SAMD12: variants seen among roughly 807,000 people sequenced by gnomAD.
The protein encoded by SAMD12 is sterile alpha motif domain containing 12, also known as sterile alpha motif domain-containing protein 12.
In SAMD12, 9 loss-of-function variants were observed where a neutral mutation model predicts 15.0. That is an observed-to-expected ratio of 0.60 (90% CI 0.36 to 1.05). SAMD12 has a LOEUF of 1.05. SAMD12 is among the 50% of genes least tolerant of loss of function. The pLI is 0.01. For missense variants in SAMD12, 230 were observed against 234.2 expected, an observed-to-expected ratio of 0.98 and a Z score of 0.12; for synonymous variants, 86 against 90.1, an observed-to-expected ratio of 0.96 and a Z score of 0.25.
At chr8:118,139,832 A>G in the SAMD12 span, among the ~76,000 whole-genome samples, 3 of 152,334 alleles carry the variant, frequency 2.0e-5, no homozygotes, top group South Asian at 6.2e-4. Flanking sequence ...GTTGGCTCTC[A>G]TTCAAACTCT....
intron 4 of SAMD12, among the ~76,000 whole-genome samples, chr8:118,214,402 T>C (rs780133812): frequency 1.1e-4 from 17 of 152,188 alleles, no homozygotes; most frequent in Non-Finnish European, 1.3e-4. Context: ...CAGGTTATGG[T>C]TTCTGCAGCA....
At chr8:118,512,066 T>C (rs1297185721) in intron 2 of SAMD12, among the ~76,000 whole-genome samples, 1 of 152,072 alleles carries the variant, frequency 6.6e-6, no homozygotes, top group African/African-American at 2.4e-5. Flanking sequence ...ACCTTTCAAC[T>C]CTGCATCCAC....
At chr8:118,484,598 A>G (rs1824225979) in intron 2 of SAMD12, among the ~76,000 whole-genome samples, 1 of 152,124 alleles carries the variant, frequency 6.6e-6, no homozygotes, top group Non-Finnish European at 1.5e-5. Flanking sequence ...TTGTATGTCA[A>G]TAATAGCTCA....
chr8:118,592,662 A>G (rs1827612205), intron 1 of SAMD12, among the ~76,000 whole-genome samples: 1 of 150,800 alleles, frequency 6.6e-6, no homozygotes, highest in Admixed American at 6.6e-5. Flanking sequence ...CTTTACTGTT[A>G]TTAATATTAT....
intron 1 of SAMD12, among the ~76,000 whole-genome samples, chr8:118,596,398 G>A (rs1827725323): frequency 6.6e-6 from 1 of 152,186 alleles, no homozygotes. Flanking sequence ...TGAAACATCT[G>A]AAACAAGCAG....
chr8:118,590,914 G>C (rs918829349), intron 1 of SAMD12, among the ~76,000 whole-genome samples: 2 of 152,058 alleles, frequency 1.3e-5, no homozygotes, highest in Non-Finnish European at 2.9e-5. Flanking sequence ...GCTTTTCCAA[G>C]AACTAAAGTC....
intron 1 of SAMD12, among the ~76,000 whole-genome samples, chr8:118,584,677 TA>T (rs1321851221): frequency 6.6e-6 from 1 of 152,146 alleles, no homozygotes; most frequent in African/African-American, 2.4e-5. Context: ...ACATTGCTCT[TA>T]AAAAAATTTA....
intron 4 of SAMD12, among the ~76,000 whole-genome samples, chr8:118,240,331 A>T (rs759804420): frequency 1.8e-4 from 27 of 152,316 alleles, no homozygotes; most frequent in Non-Finnish European, 3.8e-4. Context: ...AAACCATGAG[A>T]TATAATAACG....
chr8:118,385,088 T>G (rs1420822549), intron 3 of SAMD12, among the ~76,000 whole-genome samples: 3 of 152,158 alleles, frequency 2.0e-5, no homozygotes, highest in African/African-American at 7.2e-5. Flanking sequence ...AAAGCATGAC[T>G]GTGTGTGCTC....
chr8:118,322,424 T>C (rs1186282986), intron 4 of SAMD12, among the ~76,000 whole-genome samples: 1 of 152,230 alleles, frequency 6.6e-6, no homozygotes, highest in African/African-American at 2.4e-5. Context: ...GGGAGATCCC[T>C]GGCTACATGC....
At chr8:118,144,570 G>A in the SAMD12 span, among the ~76,000 whole-genome samples, 1 of 151,192 alleles carries the variant, frequency 6.6e-6, no homozygotes, top group African/African-American at 2.4e-5. Flanking sequence ...TAATTTTATT[G>A]AATTAATAAC....
downstream of SAMD12, among the ~76,000 whole-genome samples, chr8:118,187,658 A>C (rs1458391727): frequency 6.6e-6 from 1 of 152,178 alleles, no homozygotes; most frequent in Non-Finnish European, 1.5e-5. Context: ...AGTTACCCAA[A>C]TGCTGAGATG....
rs1415899876 is a variant in SAMD12, at chr8:118,553,454, G to T, written c.192+27261C>A. 4.6e-5 allele frequency among the ~76,000 whole-genome samples: 7 copies of T among 152,192 alleles called. 1 individual carries two copies. Among genetic ancestry groups the T allele is most frequent in the Admixed American group, 2.6e-4 (4 of 15,278 alleles). On this transcript the variant is annotated intron_variant, in intron 2 of 3. Transcript: ENST00000314727. ...GGAAAGGATTCCCTATTTAATAAAT[G>T]GTGCTGGGAAAACTTGCTAGCCATA...
intron 4 of SAMD12, among the ~76,000 whole-genome samples, chr8:118,239,172 TA>T (rs1563710410): frequency 6.6e-6 from 1 of 152,124 alleles, no homozygotes; most frequent in African/African-American, 2.4e-5. Flanking sequence ...GTGATGATTA[TA>T]ATGCTGATAA....
chr8:118,377,397 T>C (rs1819442270), downstream of SAMD12, among the ~76,000 whole-genome samples: 1 of 151,730 alleles, frequency 6.6e-6, no homozygotes, highest in Admixed American at 6.6e-5. Flanking sequence ...GACTCTGTCT[T>C]GAAAAAACCA....
At chr8:118,204,719 A>C (rs1022353942) in intron 4 of SAMD12, among the ~76,000 whole-genome samples, 1 of 152,092 alleles carries the variant, frequency 6.6e-6, no homozygotes, top group Non-Finnish European at 1.5e-5. Flanking sequence ...GCGTCACTGC[A>C]CTCCAGCCTA....
At chr8:118,319,206 A>AC (rs1174226322) in intron 4 of SAMD12, among the ~76,000 whole-genome samples, 1 of 152,106 alleles carries the variant, frequency 6.6e-6, no homozygotes, top group Non-Finnish European at 1.5e-5. Context: ...TAGGTGAGTC[A>AC]CCTCCATTAA....
chr8:118,335,196 A>G (rs1213239418), intron 4 of SAMD12, among the ~76,000 whole-genome samples: 1 of 152,176 alleles, frequency 6.6e-6, no homozygotes, highest in African/African-American at 2.4e-5. Context: ...GTACACATGC[A>G]AGACCTCAAA....
At chr8:118,477,708 G>A (rs1823998342) in intron 2 of SAMD12, among the ~76,000 whole-genome samples, 1 of 152,040 alleles carries the variant, frequency 6.6e-6, no homozygotes. Context: ...CTGGCTGTGG[G>A]GACCGAAAAT....
Sources: gnomAD v4.1 joint callset for allele counts (sites outside exome capture counted in the v4.1 genomes callset) on GRCh38, gnomAD v4.1.1 for gene constraint, MANE v1.5 for transcripts, NCBI Gene and HGNC (gene_info 2026-07-23, HGNC 2026-07-21) for gene names.